Variants in NASP observed in about 807,000 individuals in gnomAD.
The protein encoded by NASP is nuclear autoantigenic sperm protein.
In NASP, 24 loss-of-function variants were observed where a neutral mutation model predicts 89.5. The ratio of observed to expected loss-of-function variants is 0.27; its 90% confidence interval spans 0.19 to 0.38. The LOEUF (loss-of-function observed/expected upper bound fraction) is 0.38. NASP is among the 10% of genes least tolerant of loss of function. The probability of loss-of-function intolerance (pLI) is 1.00; values close to 1 mark genes in which losing one functional copy is unlikely to be tolerated. For missense variants in NASP, 848 were observed against 921.4 expected, an observed-to-expected ratio of 0.92 and a Z score of 1.03; for synonymous variants, 306 against 324.7, an observed-to-expected ratio of 0.94 and a Z score of 0.62.
intron 2 of NASP, among the ~76,000 whole-genome samples, chr1:45,595,189 T>TGTGTGTGTG (rs1557653288): frequency 9.1e-6 from 1 of 110,358 alleles, no homozygotes; most frequent in African/African-American, 3.6e-5. Flanking sequence ...GTGTGTGTGT[T>TGTGTGTGTG]TTAGAGACAG....
At position 45,616,812 on chromosome 1, in the gene NASP, C is replaced by T. The variant is rs966330044; in HGVS notation, c.2157+109C>T. On this transcript the variant is annotated intron_variant, in intron 13 of 14. Transcript: ENST00000350030. ...TGGTGCATATAAGACACTTATTTTCCAAAGGTGGTAAGGATTTGTGAGTGG... is the reference window on the plus strand; with the variant it reads ...TGGTGCATATAAGACACTTATTTTCTAAAGGTGGTAAGGATTTGTGAGTGG... 2.3e-4 allele frequency: 248 copies of T among 1,058,258 alleles called. No homozygotes were observed. In the Middle Eastern group the frequency reaches 5.8e-3, roughly 25 times the overall value. 65.6% of individuals were successfully genotyped at this position (1,058,258 alleles called of 1,614,324 possible). A position where few individuals can be genotyped will look rare whatever the true frequency, so the allele number is the denominator to read the frequency against.
chr1:45,591,194 A>G (rs1317076434), intron 1 of NASP, 29 bp from the exon 2 acceptor site: 2 of 1,425,078 alleles, frequency 1.4e-6, no homozygotes, highest in South Asian at 1.4e-5. Context: ...CCAGTTTTAC[A>G]TTTTTTCCCC....
chr1:45,608,244 C>G lies in NASP; in HGVS notation c.1333C>G (p.Gln445Glu), dbSNP rs756034680. 5 of 1,613,878 alleles carry G rather than the reference C, an allele frequency of 3.1e-6. No individual in the cohort carries two copies. The highest frequency in any genetic ancestry group is 1.3e-5 in the African/African-American group (1 of 74,876). The part of the protein sequence containing the change: ...AGDGVDTKVA[Q>E]GATEKSPEDK... ...AGATGGGGTTGATACCAAGGTAGCC[C>G]AGGGAGCTACTGAGAAATCACCTGA... The change falls in exon 6 of 15, where the codon CAG becomes GAG. Residue 445 changes from glutamine (Q) to glutamate (E), a missense_variant. Gln to Glu is a conservative substitution (Grantham distance 29). Coordinates refer to ENST00000350030, the MANE Select transcript of NASP (RefSeq NM_002482.4).
At chr1:45,604,745 A>G (rs1570980049) in intron 3 of NASP, among the ~76,000 whole-genome samples, 191 bp from the exon 4 acceptor site, 1 of 152,336 alleles carries the variant, frequency 6.6e-6, no homozygotes, top group East Asian at 1.9e-4. Flanking sequence ...ATGTATATAT[A>G]TTATATATTG....
In NASP at chr1:45,607,453, G is replaced by A; in HGVS notation, c.542G>A (p.Gly181Asp). ...DKEQDSEMEKGGREDMDISKS... is the reference protein window; with the variant it reads ...DKEQDSEMEKDGREDMDISKS... ...GAACAGGACAGTGAAATGGAGAAGG[G>A]TGGAAGAGAAGATATGGATATAAGT... is the stretch of plus-strand genomic sequence containing the variant. Residue 181 changes from glycine to aspartate, a missense_variant, in exon 6 of 15, where the codon GGT (glycine) becomes GAT (aspartate). Gly to Asp is a moderately conservative substitution (Grantham distance 94). This residue lies in a region of NASP where 464 missense variants were observed against 469.4 expected (regional missense o/e 0.99). Transcript: ENST00000350030. 6.2e-7 allele frequency: 1 copy of A among 1,613,812 alleles called. No individual in the cohort carries two copies. Among genetic ancestry groups the A allele is most frequent in the Non-Finnish European group, 8.5e-7 (1 of 1,179,956 alleles).
intron 2 of NASP, among the ~76,000 whole-genome samples, chr1:45,592,429 C>A (rs1459800779): frequency 1.3e-5 from 2 of 152,148 alleles, no homozygotes; most frequent in Non-Finnish European, 2.9e-5. Context: ...ATTTGTTGAG[C>A]TTGAGATAAA....
Position 45,615,366 on chromosome 1 carries a change from T to G in NASP, c.1917T>G (p.Ile639Met), listed in dbSNP as rs1413673169. The G allele has an allele frequency of 1.9e-6, 3 of 1,614,042 alleles. No homozygotes were observed. The highest frequency in any genetic ancestry group is 1.1e-5 in the South Asian group (1 of 91,064). Residue 639 changes from isoleucine to methionine, a missense_variant, in exon 11 of 15, where the codon ATT (isoleucine) becomes ATG (methionine). Transcript: ENST00000350030. The part of the protein sequence containing the change: ...EGSSAEYKKE[I>M]EELKELLPEI... ...CGTCTGCTGAATACAAGAAAGAAATTGAGGAACTAAAGGAACTGCTACCCG... is the reference window on the plus strand; with the variant it reads ...CGTCTGCTGAATACAAGAAAGAAATGGAGGAACTAAAGGAACTGCTACCCG...
intron 1 of NASP, among the ~76,000 whole-genome samples, chr1:45,587,336 A>G (rs1644566912): frequency 6.6e-6 from 1 of 151,452 alleles, no homozygotes; most frequent in African/African-American, 2.4e-5. Flanking sequence ...GCAGGTGTGT[A>G]CCACCACACC....
At position 45,590,559 on chromosome 1, in the gene NASP, A is replaced by G. The variant is rs1195909925; in HGVS notation, c.60-664A>G. Among the ~76,000 whole-genome samples, 5 of 151,334 alleles carry G rather than the reference A, an allele frequency of 3.3e-5. No homozygotes were observed. The East Asian group carries it at 9.6e-4, about 29-fold the overall frequency. On this transcript the variant is annotated intron_variant, in intron 1 of 14. Transcript: ENST00000350030. ...AGCAAGACTCTGTCTCAAAAAAAAA[A>G]AAAAAAAAGAAAAGAAATTTATCAC...
intron 2 of NASP, among the ~76,000 whole-genome samples, chr1:45,598,188 T>TTTTTA (rs1643746320): frequency 6.6e-6 from 1 of 151,196 alleles, no homozygotes; most frequent in African/African-American, 2.4e-5. Context: ...TTTTTTTTTT[T>TTTTTA]GAGATGGAGT....
chr1:45,596,608 C>A (rs1643702022), intron 2 of NASP, among the ~76,000 whole-genome samples: 1 of 152,138 alleles, frequency 6.6e-6, no homozygotes, highest in Non-Finnish European at 1.5e-5. Flanking sequence ...AGTAGAAGAT[C>A]TAGAATACAA....
At chr1:45,613,391 G>A (rs146206706) in intron 7 of NASP, 143 bp downstream of exon 7, 34 of 925,330 alleles carry the variant, frequency 3.7e-5, no homozygotes, top group African/African-American at 3.6e-4. Flanking sequence ...TTAAGTGATC[G>A]CCTCACCTCA....
At chr1:45,600,523 T>C (rs1034274459) in intron 2 of NASP, 2 of 980,572 alleles carry the variant, frequency 2.0e-6, no homozygotes, top group African/African-American at 3.5e-5. Flanking sequence ...TTCATCCATG[T>C]TACCACCTGT....
chr1:45,584,454 G>A (rs948919781), intron 1 of NASP, among the ~76,000 whole-genome samples: 1 of 152,222 alleles, frequency 6.6e-6, no homozygotes, highest in Non-Finnish European at 1.5e-5. Flanking sequence ...GCCGGGGGCA[G>A]CGGCGGCTGT....
At chr1:45,590,549 CA>C (rs1036511604) in intron 1 of NASP, among the ~76,000 whole-genome samples, 1,839 of 58,992 alleles carry the variant, frequency 0.031, 12 homozygotes, top group African/African-American at 0.056. Flanking sequence ...GACTCTGTCT[CA>C]AAAAAAAAAA....
At position 45,617,722 on chromosome 1, in the gene NASP, A is replaced by G. The variant is rs569917250; in HGVS notation, c.2286+131A>G. 5.5e-4 allele frequency: 628 copies of G among 1,134,016 alleles called. 9 individuals are homozygous for G. Among genetic ancestry groups the G allele is most frequent in the Middle Eastern group, 2.1e-4 (1 of 4,850 alleles). The allele number at this position is 1,134,016 out of a possible 1,614,324, so 70.2% of individuals were successfully genotyped here. A position where few individuals can be genotyped will look rare whatever the true frequency, so the allele number is the denominator to read the frequency against. ...ATTGTTGAGTGCAGTCCTCACAGAAAACGGTACTTGTGCAGGAAAACAGTT... is the reference window on the plus strand; with the variant it reads ...ATTGTTGAGTGCAGTCCTCACAGAAGACGGTACTTGTGCAGGAAAACAGTT... On this transcript the variant is annotated intron_variant, in intron 14 of 14. Coordinates refer to ENST00000350030, the MANE Select transcript of NASP (RefSeq NM_002482.4).
At position 45,602,316 on chromosome 1, in the gene NASP, G is replaced by A; in HGVS notation, c.169G>A (p.Gly57Arg). Residue 57 changes from glycine (G) to arginine (R), a missense_variant, in exon 3 of 15, where the codon GGG (glycine) becomes AGG (arginine). By Grantham distance (125) the Gly-to-Arg change is moderately radical. Around this residue, in one of 5 missense-constraint regions of NASP, gnomAD observed 89 missense variants for 79.2 expected, o/e 1.12. Coordinates refer to ENST00000350030, the MANE Select transcript of NASP (RefSeq NM_002482.4). ...LGLGQKHLVMGDIPAAVNAFQ... is the reference protein window; with the variant it reads ...LGLGQKHLVMRDIPAAVNAFQ... ...TTTAGGACAGAAACATCTGGTGATG[G>A]GGGATATTCCAGCAGCTGTCAATGC... 6.2e-7 allele frequency: 1 copy of A among 1,613,738 alleles called. No individual in the cohort carries two copies. The highest frequency in any genetic ancestry group is 8.5e-7 in the Non-Finnish European group (1 of 1,179,730).
intron 4 of NASP, 102 bp downstream of exon 4, chr1:45,605,118 T>G: frequency 2.3e-6 from 2 of 880,856 alleles, no homozygotes; most frequent in East Asian, 4.9e-5. Context: ...CCTAGAGAGT[T>G]TTGAAGGAGC....
intron 9 of NASP, 61 bp downstream of exon 9, chr1:45,614,427 T>C: frequency 1.5e-6 from 2 of 1,326,930 alleles, no homozygotes; most frequent in Admixed American, 1.7e-5. Context: ...CTTCCTCTAA[T>C]AGATTCTCTG....
Sources: allele counts gnomAD v4.1 joint callset (sites outside exome capture counted in the v4.1 genomes callset), GRCh38; gene constraint gnomAD v4.1.1; regional missense constraint gnomAD v4.1.1; transcripts MANE v1.5; gene names NCBI Gene and HGNC (gene_info 2026-07-23, HGNC 2026-07-21).